Variants in SLCO6A1 observed in about 807,000 individuals in gnomAD.
SLCO6A1 encodes the protein cancer/testis antigen 48.
In SLCO6A1, 65 loss-of-function variants were observed where a neutral mutation model predicts 72.7. The ratio of observed to expected loss-of-function variants is 0.89; its 90% CI spans 0.73 to 1.10. The LOEUF is 1.10. SLCO6A1 is among the 50% of genes least tolerant of loss of function. The probability of loss-of-function intolerance (pLI) is 0.00; values close to 1 mark genes in which losing one functional copy is unlikely to be tolerated. For missense variants in SLCO6A1, 874 were observed against 872.6 expected (o/e 1.00, Z -0.02); for synonymous variants, 314 against 298.2 (o/e 1.05, Z -0.55).
chr5:102,409,791 G>C (rs1001338564), intron 9 of SLCO6A1, among the ~76,000 whole-genome samples: 1 of 152,102 alleles, frequency 6.6e-6, no homozygotes, highest in Admixed American at 6.5e-5. Context: ...AAACTATGAA[G>C]AGTTTCATGA....
At chr5:102,477,096 A>G (rs1751938633) in intron 3 of SLCO6A1, among the ~76,000 whole-genome samples, 1 of 152,096 alleles carries the variant, frequency 6.6e-6, no homozygotes, top group Non-Finnish European at 1.5e-5. Context: ...CATATACATA[A>G]AGAGTATAAT....
chr5:102,450,835 TG>T (rs140301376), intron 6 of SLCO6A1, among the ~76,000 whole-genome samples: 288 of 152,300 alleles, frequency 1.9e-3, no homozygotes, highest in African/African-American at 6.5e-3. Flanking sequence ...CAAGAAAGAC[TG>T]GTCTTTTCTT....
chr5:102,389,370 A>G (rs1455741924), intron 11 of SLCO6A1, among the ~76,000 whole-genome samples: 1 of 151,308 alleles, frequency 6.6e-6, no homozygotes, highest in Admixed American at 6.6e-5. Flanking sequence ...GGAAACCTCT[A>G]CATAGTCTCA....
intron 3 of SLCO6A1, among the ~76,000 whole-genome samples, chr5:102,477,435 T>G (rs1287401904): frequency 6.6e-6 from 1 of 152,120 alleles, no homozygotes; most frequent in African/African-American, 2.4e-5. Flanking sequence ...AAAGTACGTA[T>G]TTTTTCAATT....
chr5:102,449,174 A>G (rs905696873), intron 6 of SLCO6A1, among the ~76,000 whole-genome samples: 15 of 152,130 alleles, frequency 9.9e-5, no homozygotes, highest in African/African-American at 3.6e-4. Flanking sequence ...TTTCTTTAAA[A>G]TTCCAGAATA....
At chr5:102,434,129 A>G (rs936308407) in intron 7 of SLCO6A1, among the ~76,000 whole-genome samples, 1 of 151,960 alleles carries the variant, frequency 6.6e-6, no homozygotes, top group Admixed American at 6.6e-5. Flanking sequence ...AACTTTCTGT[A>G]TATCTTGCAA....
chr5:102,398,833 A>G (rs957638191), intron 10 of SLCO6A1, among the ~76,000 whole-genome samples: 3 of 152,076 alleles, frequency 2.0e-5, no homozygotes, highest in African/African-American at 7.2e-5. Flanking sequence ...GCCTGCTTGT[A>G]TCATGAGAAA....
chr5:102,379,928 T>C (rs1370683147), intron 12 of SLCO6A1, among the ~76,000 whole-genome samples: 2 of 152,008 alleles, frequency 1.3e-5, no homozygotes, highest in Admixed American at 1.3e-4. Flanking sequence ...TTTGTAGTTG[T>C]CAGTGTAGAC....
At chr5:102,423,102 C>T (rs1037627801) in intron 7 of SLCO6A1, among the ~76,000 whole-genome samples, 38 of 152,128 alleles carry the variant, frequency 2.5e-4, no homozygotes, top group Non-Finnish European at 4.3e-4. Flanking sequence ...ACCAGGACTG[C>T]CTTACAAGAG....
At chr5:102,405,018 A>G (rs1023400107) in intron 9 of SLCO6A1, among the ~76,000 whole-genome samples, 4 of 152,172 alleles carry the variant, frequency 2.6e-5, no homozygotes, top group Non-Finnish European at 5.9e-5. Context: ...ACACAGGAAC[A>G]TGAATTTAAA....
At position 102,416,002 on chromosome 5, in the gene SLCO6A1, C is replaced by T. The variant is rs547727959; in HGVS notation, c.1473-2859G>A. ...AAACAAATGCAAATCCAAACCATAA[C>T]GAAGTATGATGTTACCCTAGTCAGA... On this transcript the variant is annotated intron_variant, in intron 8 of 13. Transcript: ENST00000506729. 3.5e-4 allele frequency among the ~76,000 whole-genome samples: 53 copies of T among 152,000 alleles called. 1 individual carries two copies. The South Asian group carries it at 9.8e-3, about 28-fold the overall frequency.
At chr5:102,458,232 C>T in intron 6 of SLCO6A1, 150 bp downstream of exon 6, 1 of 561,292 alleles carries the variant, frequency 1.8e-6, no homozygotes, top group Non-Finnish European at 3.1e-6. Flanking sequence ...GCACATGTAC[C>T]CTAAAACTTA....
chr5:102,381,820 T>C (rs1053213112), intron 12 of SLCO6A1, among the ~76,000 whole-genome samples: 2 of 151,266 alleles, frequency 1.3e-5, no homozygotes, highest in Non-Finnish European at 3.0e-5. Context: ...TGATGATTAG[T>C]GATTTAGGCA....
chr5:102,378,627 C>T (rs1360561121), intron 12 of SLCO6A1, among the ~76,000 whole-genome samples: 1 of 152,106 alleles, frequency 6.6e-6, no homozygotes, highest in East Asian at 1.9e-4. Flanking sequence ...GGCCTACATA[C>T]TCATTTGTGT....
At chr5:102,451,959 G>T (rs1750439689) in intron 6 of SLCO6A1, among the ~76,000 whole-genome samples, 1 of 152,100 alleles carries the variant, frequency 6.6e-6, no homozygotes, top group Non-Finnish European at 1.5e-5. Context: ...CCATTTACTT[G>T]CTTTCAAAGG....
In SLCO6A1 at chr5:102,427,856, ATATATATATTTTT is replaced by A. The variant is rs1317701098; in HGVS notation, c.1277-7848_1277-7836del. On this transcript the variant is annotated intron_variant, in intron 7 of 13. Coordinates refer to ENST00000506729, the MANE Select transcript of SLCO6A1 (RefSeq NM_173488.5). ...TGTGTGTATGTATACATATATATAT[ATATATATATTTTT>A]TTTTTTTTTTTTTTTTTTGAGACCG... 8.9e-3 allele frequency among the ~76,000 whole-genome samples: 1,109 copies of A among 124,596 alleles called. 10 individuals carry two copies. Among genetic ancestry groups the A allele is most frequent in the African/African-American group, 0.038 (1,041 of 27,726 alleles). The allele number at this position is 124,596 out of a possible 152,430, so 81.7% of individuals were successfully genotyped here.
intron 6 of SLCO6A1, among the ~76,000 whole-genome samples, chr5:102,456,947 A>T (rs1404059679): frequency 6.6e-6 from 1 of 150,474 alleles, no homozygotes; most frequent in African/African-American, 2.4e-5. Flanking sequence ...AAATAATGCC[A>T]CATATCTACA....
chr5:102,371,783 G>A lies in SLCO6A1; in HGVS notation c.*356C>T, dbSNP rs1750641902. ...ACACTGTACAAGCATGTTCAAAGTG[G>A]CTTTGAATGTTATTATTTTACTTTA... On this transcript the variant is annotated 3_prime_UTR_variant, in exon 14 of 14. Coordinates refer to ENST00000506729, the MANE Select transcript of SLCO6A1 (RefSeq NM_173488.5). 6.6e-6 allele frequency: 1 copy of A among 151,390 alleles called. No individual in the cohort carries two copies. 9.4% of individuals were successfully genotyped at this position (151,390 alleles called of 1,614,324 possible).
At chr5:102,451,966 A>G (rs1750439996) in intron 6 of SLCO6A1, among the ~76,000 whole-genome samples, 1 of 152,242 alleles carries the variant, frequency 6.6e-6, no homozygotes, top group African/African-American at 2.4e-5. Flanking sequence ...CTTGCTTTCA[A>G]AGGAAATTCA....
Sources: allele counts gnomAD v4.1 joint callset (sites outside exome capture counted in the v4.1 genomes callset), GRCh38; gene constraint gnomAD v4.1.1; transcripts MANE v1.5; gene names NCBI Gene and HGNC (gene_info 2026-07-23, HGNC 2026-07-21).